The following HHAT variants were observed in gnomAD, a reference collection of about 807,000 sequenced individuals.
HHAT encodes the protein hedgehog acyltransferase.
A neutral mutation model predicts 70.8 loss-of-function variants in HHAT; 47 were observed. The ratio of observed to expected loss-of-function variants is 0.66; its 90% CI spans 0.53 to 0.85. The LOEUF is 0.85. HHAT is among the 40% of genes least tolerant of loss of function. The pLI is 0.00. For missense variants in HHAT, 609 were observed against 604.8 expected (o/e 1.01, Z -0.07); for synonymous variants, 228 against 247.6 (o/e 0.92, Z 0.74).
chr1:210,654,600 C>T (rs1429687164), intron 11 of HHAT, among the ~76,000 whole-genome samples: 1 of 152,224 alleles, frequency 6.6e-6, no homozygotes, highest in Non-Finnish European at 1.5e-5. Flanking sequence ...GCTGGTATCC[C>T]AGCACTTAGC....
At chr1:210,383,774 AAAGAT>A (rs1172192745) in intron 3 of HHAT, among the ~76,000 whole-genome samples, 58 of 152,266 alleles carry the variant, frequency 3.8e-4, no homozygotes, top group Non-Finnish European at 7.1e-4. Flanking sequence ...AAACTCTCTA[AAAGAT>A]AAGGTCTGTT....
At chr1:210,346,453 A>G (rs1276240233) in intron 1 of HHAT, among the ~76,000 whole-genome samples, 2 of 152,272 alleles carry the variant, frequency 1.3e-5, no homozygotes, top group Non-Finnish European at 2.9e-5. Context: ...AGATGAAAGT[A>G]TTTAAAAATA....
chr1:210,538,117 T>C (rs974332086), intron 9 of HHAT, among the ~76,000 whole-genome samples: 1 of 151,896 alleles, frequency 6.6e-6, no homozygotes, highest in Non-Finnish European at 1.5e-5. Context: ...TTTATGAGAA[T>C]GGATTCATTG....
At chr1:210,423,622 C>A (rs1261257274) in intron 7 of HHAT, among the ~76,000 whole-genome samples, 1 of 152,032 alleles carries the variant, frequency 6.6e-6, no homozygotes, top group South Asian at 2.1e-4. Flanking sequence ...ATTTATAAAA[C>A]CTTTCCCTGA....
intron 11 of HHAT, among the ~76,000 whole-genome samples, chr1:210,643,014 T>C (rs1234637365): frequency 6.6e-6 from 1 of 152,240 alleles, no homozygotes; most frequent in African/African-American, 2.4e-5. Flanking sequence ...TGTTTAGTAT[T>C]AATTTTGTGT....
At chr1:210,598,753 C>T (rs530110203) in intron 10 of HHAT, among the ~76,000 whole-genome samples, 28 of 152,352 alleles carry the variant, frequency 1.8e-4, no homozygotes, top group African/African-American at 6.5e-4. Context: ...TCTACAGAGC[C>T]ACTTTCAGTG....
At chr1:210,538,287 T>C (rs1341925853) in intron 9 of HHAT, among the ~76,000 whole-genome samples, 1 of 152,086 alleles carries the variant, frequency 6.6e-6, no homozygotes, top group Admixed American at 6.5e-5. Flanking sequence ...GTAGAGAAAA[T>C]AAATAATATT....
chr1:210,619,096 G>T (rs1249355182), intron 10 of HHAT, among the ~76,000 whole-genome samples: 1 of 152,176 alleles, frequency 6.6e-6, no homozygotes, highest in Non-Finnish European at 1.5e-5. Context: ...CCAGTGTTCT[G>T]AGGGGCTTGC....
chr1:210,418,622 T>C lies in HHAT; in HGVS notation c.856+297T>C, dbSNP rs568117355. ...CCACATCTTCACAGCGTAGCCAATA[T>C]TGTGTTTAGCAGTAGAAGGCAGGAG... On this transcript the variant is annotated intron_variant, in intron 7 of 11. Transcript: ENST00000261458. 3.3e-5 allele frequency among the ~76,000 whole-genome samples: 5 copies of C among 152,228 alleles called. No individual in the cohort carries two copies. The East Asian group carries it at 5.8e-4, about 18-fold the overall frequency.
chr1:210,655,193 C>G (rs1301151506), intron 11 of HHAT, among the ~76,000 whole-genome samples: 1 of 152,224 alleles, frequency 6.6e-6, no homozygotes, highest in Non-Finnish European at 1.5e-5. Context: ...GAATAAATAG[C>G]TGGGAAAAGT....
At chr1:210,602,920 G>A (rs1023987166) in intron 10 of HHAT, among the ~76,000 whole-genome samples, 1 of 152,148 alleles carries the variant, frequency 6.6e-6, no homozygotes, top group African/African-American at 2.4e-5. Context: ...TGGTCTAAGA[G>A]GTAGAATTCT....
chr1:210,564,989 A>C (rs1654313822), intron 9 of HHAT, among the ~76,000 whole-genome samples: 1 of 152,194 alleles, frequency 6.6e-6, no homozygotes, highest in South Asian at 2.1e-4. Context: ...GACATTTATG[A>C]AATGGGAAAG....
intron 8 of HHAT, among the ~76,000 whole-genome samples, chr1:210,493,609 A>C (rs1304186285): frequency 2.0e-5 from 3 of 152,334 alleles, no homozygotes; most frequent in Non-Finnish European, 4.4e-5. Context: ...AAAATTAATC[A>C]TCCCAGGTCT....
intron 10 of HHAT, among the ~76,000 whole-genome samples, chr1:210,607,259 A>C (rs1665656553): frequency 6.6e-6 from 1 of 151,984 alleles, no homozygotes; most frequent in African/African-American, 2.4e-5. Context: ...GCTCTATCTT[A>C]TTAAAATGGG....
Position 210,398,399 on chromosome 1 carries a change from C to G in HHAT, c.274-2069C>G, listed in dbSNP as rs2091906533. 4.6e-5 allele frequency among the ~76,000 whole-genome samples: 7 copies of G among 152,148 alleles called. No individual in the cohort carries two copies. The South Asian group carries it at 1.4e-3, about 32-fold the overall frequency. The stretch of plus-strand genomic sequence containing the variant: ...GTCTTAGAACAGTATTAAGTGTCGT[C>G]TGCCTGTACTGTTTGGCAGTAGGGA... On this transcript the variant is annotated intron_variant, in intron 4 of 11. Coordinates refer to ENST00000261458, the MANE Select transcript of HHAT (RefSeq NM_018194.6).
intron 3 of HHAT, among the ~76,000 whole-genome samples, chr1:210,370,544 C>T (rs1159144985): frequency 1.3e-5 from 2 of 150,894 alleles, no homozygotes; most frequent in South Asian, 2.1e-4. Context: ...GAGAACAGAG[C>T]AGGGTACCTG....
chr1:210,367,012 T>TG, intron 3 of HHAT, among the ~76,000 whole-genome samples: 1 of 152,196 alleles, frequency 6.6e-6, no homozygotes, highest in South Asian at 2.1e-4. Context: ...TATGGAGCGC[T>TG]GGGGACAGTG....
chr1:210,661,797 C>T (rs1034386799), intron 11 of HHAT, among the ~76,000 whole-genome samples: 7 of 151,658 alleles, frequency 4.6e-5, no homozygotes, highest in Non-Finnish European at 8.9e-5. Context: ...AAACTATCAC[C>T]GTAAACACCA....
chr1:210,543,026 G>T (rs2095446211), intron 9 of HHAT, among the ~76,000 whole-genome samples: 1 of 152,098 alleles, frequency 6.6e-6, no homozygotes, highest in Non-Finnish European at 1.5e-5. Context: ...AACTGCATTT[G>T]CTTCATTGTA....
Sources: allele counts gnomAD v4.1 joint callset (sites outside exome capture counted in the v4.1 genomes callset), GRCh38; gene constraint gnomAD v4.1.1; transcripts MANE v1.5; gene names NCBI Gene and HGNC (gene_info 2026-07-23, HGNC 2026-07-21).